Variants in TNIP1 observed in about 807,000 individuals in gnomAD.
TNIP1 encodes TNFAIP3 interacting protein 1.
A neutral mutation model predicts 86.6 loss-of-function variants in TNIP1; 22 were observed. The observed-to-expected ratio is 0.25, with a 90% CI of 0.18 to 0.36. The LOEUF (loss-of-function observed/expected upper bound fraction) is 0.36. Ranked by LOEUF, TNIP1 falls within the 10% of genes least tolerant of loss-of-function variation. The pLI is 1.00. For missense variants in TNIP1, 709 were observed against 820.6 expected (o/e 0.86, Z 1.66); for synonymous variants, 294 against 313.0 (o/e 0.94, Z 0.64).
intron 4 of TNIP1, among the ~76,000 whole-genome samples, chr5:151,061,138 A>G (rs1169756900): frequency 1.3e-5 from 2 of 152,320 alleles, no homozygotes; most frequent in African/African-American, 4.8e-5. Context: ...TCAACCAACC[A>G]AGAAGCCAAT....
At chr5:151,083,268 T>C (rs879805722), upstream of TNIP1, among the ~76,000 whole-genome samples, 6 of 152,198 alleles carry the variant, frequency 3.9e-5, no homozygotes, top group Non-Finnish European at 8.8e-5. Flanking sequence ...TGAGGATAAA[T>C]TGGACAATGC....
In TNIP1 at chr5:151,056,826, C is replaced by A. The variant is rs1186987082; in HGVS notation, c.567G>T (p.Leu189=). 1 of 1,595,780 alleles carries A rather than the reference C, an allele frequency of 6.3e-7. No homozygotes were observed. Among genetic ancestry groups the A allele is most frequent in the Admixed American group, 1.7e-5 (1 of 57,404 alleles). The change falls in exon 6 of 18, where the codon CTG becomes CTT. Residue 189 remains leucine (L), a synonymous_variant. Coordinates refer to ENST00000521591, the MANE Select transcript of TNIP1 (RefSeq NM_006058.5). The part of the protein sequence containing the change: ...QLFTHLGRMA[L]EFNRLASKVH... ...CCTTGGATGCCAGTCGGTTGAACTC[C>A]AGGGCCATGCGGCCCAGGTGGGTGA... is the stretch of plus-strand genomic sequence containing the variant.
rs201782917 is a variant in TNIP1, at chr5:151,052,132, T to G, written c.722+33A>C. On this transcript the variant is annotated intron_variant, in intron 7 of 17. Coordinates refer to ENST00000521591, the MANE Select transcript of TNIP1 (RefSeq NM_006058.5). ...CAGCCCCTCCTCCTGCAGCCCCCAC[T>G]CCTCACCCCTTCTCTGAGGGGCCTG... The G allele has an allele frequency of 2.6e-5, 41 of 1,601,634 alleles. No homozygotes were observed. The East Asian group carries it at 9.2e-4, about 36-fold the overall frequency.
At chr5:151,035,487 G>A in intron 14 of TNIP1, 95 bp downstream of exon 14, 9 of 1,567,710 alleles carry the variant, frequency 5.7e-6, no homozygotes, top group Admixed American at 3.4e-5. Context: ...AGCAGTGAGG[G>A]TCCTGACATC....
At chr5:151,061,954 A>C (rs1210661707) in intron 4 of TNIP1, among the ~76,000 whole-genome samples, 173 bp downstream of exon 4, 1 of 152,214 alleles carries the variant, frequency 6.6e-6, no homozygotes, top group Non-Finnish European at 1.5e-5. Flanking sequence ...CCTTCATTTC[A>C]AAATGGGGAG....
rs557085489 is a variant in TNIP1, at chr5:151,066,961, C to T, written c.-36-1830G>A. 1.2e-4 allele frequency among the ~76,000 whole-genome samples: 19 copies of T among 152,256 alleles called. No homozygotes were observed. In the South Asian group the frequency reaches 2.5e-3, roughly 20 times the overall value. On this transcript the variant is annotated intron_variant, in intron 1 of 17. Coordinates refer to ENST00000521591, the MANE Select transcript of TNIP1 (RefSeq NM_006058.5). ...GAACCAATAAGGACTTGTCCAAGAG[C>T]GTCCATAGGATGGAATGGGCCAGAA...
intron 3 of TNIP1, among the ~76,000 whole-genome samples, chr5:151,062,953 G>A (rs546804042): frequency 6.6e-6 from 1 of 152,364 alleles, no homozygotes; most frequent in South Asian, 2.1e-4. Context: ...GAGTCCAGCT[G>A]AGGTGCGGAT....
intron 2 of TNIP1, among the ~76,000 whole-genome samples, chr5:151,064,722 A>C (rs1762022700): frequency 6.6e-6 from 1 of 151,962 alleles, no homozygotes; most frequent in African/African-American, 2.4e-5. Flanking sequence ...TCCCTCTTGG[A>C]CCTGAGTCCT....
chr5:151,030,435 T>C lies in TNIP1; in HGVS notation c.*278A>G, dbSNP rs184331940. 2,598 of 547,544 alleles carry C rather than the reference T, an allele frequency of 4.7e-3. 53 individuals carry two copies. Among genetic ancestry groups the C allele is most frequent in the African/African-American group, 0.045 (2,370 of 52,572 alleles). The allele number at this position is 547,544 out of a possible 1,614,324, so 33.9% of individuals were successfully genotyped here. ...TCCTGGAGGCTTCTGCAACGGATGG[T>C]GGGTCAAAGCCGGATGAGGCCTCTC... On this transcript the variant is annotated 3_prime_UTR_variant, in exon 18 of 18. Coordinates refer to ENST00000521591, the MANE Select transcript of TNIP1 (RefSeq NM_006058.5).
chr5:151,037,131 CTA>C lies in TNIP1; in HGVS notation c.1264-212_1264-211del, dbSNP rs1757809608. ...TCTGCACAGTGCCATGAAGAAAAGA[CTA>C]TGATCATCATCCTCATTTTACAGAT... On this transcript the variant is annotated intron_variant, in intron 12 of 17. Coordinates refer to ENST00000521591, the MANE Select transcript of TNIP1 (RefSeq NM_006058.5). The C allele has an allele frequency of 5.8e-6, 3 of 516,924 alleles. No homozygotes were observed. In the South Asian group the frequency reaches 9.1e-5, roughly 16 times the overall value. 32.0% of individuals were successfully genotyped at this position (516,924 alleles called of 1,614,324 possible). A position where few individuals can be genotyped will look rare whatever the true frequency, so the allele number is the denominator to read the frequency against.
intron 1 of TNIP1, among the ~76,000 whole-genome samples, chr5:151,070,851 G>A (rs1762747075): frequency 6.6e-6 from 1 of 152,088 alleles, no homozygotes; most frequent in Admixed American, 6.6e-5. Context: ...ATACTGTAAT[G>A]GTGGACACCT....
chr5:151,032,130 G>C, intron 17 of TNIP1, 157 bp downstream of exon 17: 1 of 624,516 alleles, frequency 1.6e-6, no homozygotes, highest in Non-Finnish European at 2.8e-6. Flanking sequence ...CTCACTCTGT[G>C]GTTGCCATTA....
chr5:151,079,222 G>C (rs1483969838), intron 1 of TNIP1, among the ~76,000 whole-genome samples: 1 of 152,236 alleles, frequency 6.6e-6, no homozygotes, highest in Non-Finnish European at 1.5e-5. Context: ...AGCAGCCTTG[G>C]TCAGGGGAAA....
Position 151,052,145 on chromosome 5 carries a change from T to C in TNIP1, c.722+20A>G, listed in dbSNP as rs1169448851. 2.5e-6 allele frequency: 4 copies of C among 1,611,484 alleles called. No homozygotes were observed. The African/African-American group carries it at 4.0e-5, about 16-fold the overall frequency. ...TGCAGCCCCCACTCCTCACCCCTTC[T>C]CTGAGGGGCCTGAACTTACCGCAGC... On this transcript the variant is annotated intron_variant, in intron 7 of 17. Coordinates refer to ENST00000521591, the MANE Select transcript of TNIP1 (RefSeq NM_006058.5).
chr5:151,035,550 C>T (rs767300628), intron 14 of TNIP1, 32 bp downstream of exon 14: 17 of 1,613,942 alleles, frequency 1.1e-5, no homozygotes, highest in Admixed American at 1.7e-5. Flanking sequence ...GAGGACAGGC[C>T]AGTTGCCCTT....
At chr5:151,048,510 A>C (rs1210818316) in intron 8 of TNIP1, among the ~76,000 whole-genome samples, 1 of 152,152 alleles carries the variant, frequency 6.6e-6, no homozygotes, top group Admixed American at 6.5e-5. Context: ...ATTCCAAGGC[A>C]CACTCGTCGC....
intron 1 of TNIP1, among the ~76,000 whole-genome samples, chr5:151,075,555 T>G (rs1454021281): frequency 6.6e-6 from 1 of 152,224 alleles, no homozygotes; most frequent in Non-Finnish European, 1.5e-5. Context: ...GAGGACCTGA[T>G]ATTTAGCTCC....
intron 12 of TNIP1, among the ~76,000 whole-genome samples, chr5:151,038,858 G>A (rs183434494): frequency 1.3e-5 from 2 of 152,182 alleles, no homozygotes; most frequent in Non-Finnish European, 2.9e-5. Flanking sequence ...AGCAGGGTGG[G>A]CAGGTGAGGC....
At chr5:151,041,219 C>T (rs1015290872) in intron 11 of TNIP1, among the ~76,000 whole-genome samples, 2 of 151,934 alleles carry the variant, frequency 1.3e-5, no homozygotes, top group African/African-American at 2.4e-5. Context: ...TACAGACATG[C>T]GCCACCACTC....
Sources: gnomAD v4.1 joint callset for allele counts (sites outside exome capture counted in the v4.1 genomes callset) on GRCh38, gnomAD v4.1.1 for gene constraint, MANE v1.5 for transcripts, NCBI Gene and HGNC (gene_info 2026-07-23, HGNC 2026-07-21) for gene names.